The following KCNN3 variants were observed in gnomAD, a reference collection of about 807,000 sequenced individuals.
The protein encoded by KCNN3 is small conductance calcium-activated potassium channel protein 3.
In KCNN3, 16 loss-of-function variants were observed where a neutral mutation model predicts 62.9. The observed-to-expected ratio is 0.25, with a 90% confidence interval of 0.17 to 0.39. The LOEUF (loss-of-function observed/expected upper bound fraction) is 0.39. KCNN3 is among the 10% of genes least tolerant of loss of function. KCNN3 has a pLI of 1.00. For synonymous variants in KCNN3, 370 were observed against 389.2 expected (o/e 0.95, Z 0.58); for missense variants, 599 against 949.4 (o/e 0.63, Z 4.85).
intron 5 of KCNN3, among the ~76,000 whole-genome samples, chr1:154,724,436 AC>A (rs1464660671): frequency 6.6e-6 from 1 of 152,226 alleles, no homozygotes; most frequent in African/African-American, 2.4e-5. Flanking sequence ...AATGAAAAAG[AC>A]TATGGAGGCC....
At chr1:154,744,645 T>C (rs1157702637) in intron 3 of KCNN3, among the ~76,000 whole-genome samples, 1 of 152,250 alleles carries the variant, frequency 6.6e-6, no homozygotes, top group Non-Finnish European at 1.5e-5. Flanking sequence ...TTTATTCCCA[T>C]TCCCAGCTCT....
At chr1:154,733,844 A>G (rs540981963) in intron 3 of KCNN3, among the ~76,000 whole-genome samples, 10 of 152,190 alleles carry the variant, frequency 6.6e-5, no homozygotes, top group Non-Finnish European at 1.2e-4. Flanking sequence ...CCCAACACCA[A>G]GACCTGCTGC....
intron 2 of KCNN3, among the ~76,000 whole-genome samples, chr1:154,790,924 A>G (rs1392592453): frequency 6.6e-6 from 1 of 152,174 alleles, no homozygotes; most frequent in Non-Finnish European, 1.5e-5. Context: ...ACTGAACTAT[A>G]TACTTAAAAA....
intron 5 of KCNN3, among the ~76,000 whole-genome samples, chr1:154,716,022 T>C (rs2101768330): frequency 6.6e-6 from 1 of 152,284 alleles, no homozygotes; most frequent in Middle Eastern, 3.4e-3. Flanking sequence ...TGTCTGAAAA[T>C]CAGTGAAGAT....
intron 2 of KCNN3, among the ~76,000 whole-genome samples, chr1:154,817,289 G>A (rs1267178958): frequency 6.6e-6 from 1 of 152,210 alleles, no homozygotes; most frequent in Non-Finnish European, 1.5e-5. Context: ...ACAAGATGGT[G>A]GATCCTGCAC....
At chr1:154,758,930 C>T (rs139948693) in intron 3 of KCNN3, among the ~76,000 whole-genome samples, 2,108 of 152,134 alleles carry the variant, frequency 0.014, 44 homozygotes, top group African/African-American at 0.049. Flanking sequence ...GCCTCGGCCT[C>T]GTGAGTAGCT....
At chr1:154,813,425 G>C (rs1571301880) in intron 2 of KCNN3, among the ~76,000 whole-genome samples, 1 of 152,096 alleles carries the variant, frequency 6.6e-6, no homozygotes, top group Admixed American at 6.5e-5. Context: ...CTCTTCCTGG[G>C]AGGCTTCATC....
intron 3 of KCNN3, among the ~76,000 whole-genome samples, chr1:154,740,722 C>T (rs569403512): frequency 6.2e-4 from 95 of 152,228 alleles, no homozygotes; most frequent in African/African-American, 8.9e-4. Context: ...CTTGACTTTA[C>T]GTTTCCATGA....
chr1:154,714,321 T>G (rs368470745), intron 6 of KCNN3, among the ~76,000 whole-genome samples: 2 of 92,322 alleles, frequency 2.2e-5, no homozygotes, highest in African/African-American at 4.4e-5. Context: ...TTGTGTGAGG[T>G]GTGTGTGTGT....
chr1:154,708,150 C>G lies in KCNN3; in HGVS notation c.2022G>C (p.Pro674=). The stretch of plus-strand genomic sequence containing the variant: ...GGCGCAGGGTGTCGGCGATGAGCAG[C>G]GGCAGGGAGTTGAAGCTGGCGGTGA... ...EHLTASFNSL[P]LLIADTLRQQ... is the part of the protein sequence containing the mutation. Residue 674 remains proline, a synonymous_variant, in exon 8 of 8, where the codon CCG becomes CCC. Coordinates refer to ENST00000271915, the MANE Select transcript of KCNN3 (RefSeq NM_002249.6). 1 of 1,613,706 alleles carries G rather than the reference C, an allele frequency of 6.2e-7. No homozygotes were observed. Among genetic ancestry groups the G allele is most frequent in the Non-Finnish European group, 8.5e-7 (1 of 1,179,978 alleles).
chr1:154,713,401 G>A, intron 7 of KCNN3, 63 bp downstream of exon 7: 1 of 1,379,348 alleles, frequency 7.2e-7, no homozygotes, highest in Admixed American at 1.7e-5. Context: ...GGACTCACAG[G>A]TGAGCCTGAG....
intron 1 of KCNN3, among the ~76,000 whole-genome samples, chr1:154,855,385 C>G (rs4845676): frequency 0.47 from 71,591 of 152,048 alleles, 19,133 homozygotes; most frequent in East Asian, 0.96. Context: ...TCACTCTCCA[C>G]TCACTCACTG....
chr1:154,840,296 T>G (rs1651774190), intron 1 of KCNN3, among the ~76,000 whole-genome samples: 1 of 152,144 alleles, frequency 6.6e-6, no homozygotes, highest in South Asian at 2.1e-4. Flanking sequence ...ATCCACTGTG[T>G]TTTTGGGGTG....
chr1:154,836,291 T>C (rs895913129), intron 1 of KCNN3, among the ~76,000 whole-genome samples: 1 of 152,188 alleles, frequency 6.6e-6, no homozygotes, highest in African/African-American at 2.4e-5. Context: ...GCTGTTGTAA[T>C]AGGAGGAGCC....
chr1:154,867,873 C>T (rs956583850), intron 1 of KCNN3: 10 of 860,466 alleles, frequency 1.2e-5, no homozygotes, highest in Non-Finnish European at 1.4e-5. Flanking sequence ...ACTTGTCCAC[C>T]GATTCCCAGG....
chr1:154,787,940 G>A (rs1649356965), intron 2 of KCNN3, among the ~76,000 whole-genome samples: 1 of 152,206 alleles, frequency 6.6e-6, no homozygotes, highest in African/African-American at 2.4e-5. Context: ...CTGGAGGAGG[G>A]GGCAGGATGA....
At chr1:154,837,122 CAG>C (rs1408382542) in intron 1 of KCNN3, among the ~76,000 whole-genome samples, 2 of 147,568 alleles carry the variant, frequency 1.4e-5, no homozygotes, top group African/African-American at 5.0e-5. Context: ...TTTTTTGAGA[CAG>C]AGTCTTGCTC....
rs884664 is a variant in KCNN3, at chr1:154,731,249, G to C, written c.1590+1754C>G. 6.6e-5 allele frequency among the ~76,000 whole-genome samples: 10 copies of C among 152,170 alleles called. No individual in the cohort carries two copies. The East Asian group carries it at 1.9e-3, about 29-fold the overall frequency. On this transcript the variant is annotated intron_variant, in intron 4 of 7. Transcript: ENST00000271915. ...AGAAGCGTCTTTCCCCGGTTTCCTC[G>C]TGACAGTTGGTGCTATGCCAAGACA...
chr1:154,740,283 A>C (rs541355672), intron 3 of KCNN3, among the ~76,000 whole-genome samples: 3 of 151,948 alleles, frequency 2.0e-5, no homozygotes, highest in Admixed American at 2.0e-4. Context: ...TTATTGACTT[A>C]TTGTTATTGT....
Sources: allele counts gnomAD v4.1 joint callset (sites outside exome capture counted in the v4.1 genomes callset), GRCh38; gene constraint gnomAD v4.1.1; transcripts MANE v1.5; gene names NCBI Gene and HGNC (gene_info 2026-07-23, HGNC 2026-07-21).